Variants in B4GALNT3 observed in about 807,000 individuals in gnomAD.
The protein encoded by B4GALNT3 is beta-1,4-N-acetyl-galactosaminyltransferase 3.
A neutral mutation model predicts 120.2 loss-of-function variants in B4GALNT3; 86 were observed. That is an observed-to-expected ratio of 0.72 (90% confidence interval 0.60 to 0.86). B4GALNT3 has a LOEUF of 0.86. Among genes scored for constraint, B4GALNT3 ranks in the 40% least tolerant of loss-of-function variants. B4GALNT3 has a pLI of 0.00. For synonymous variants in B4GALNT3, 518 were observed against 510.4 expected, an observed-to-expected ratio of 1.01 and a Z score of -0.20; for missense variants, 1,167 against 1,298.9, an observed-to-expected ratio of 0.90 and a Z score of 1.56.
At chr12:557,834 G>A (rs2120744393) in intron 16 of B4GALNT3, 73 bp downstream of exon 16, 1 of 1,533,202 alleles carries the variant, frequency 6.5e-7, no homozygotes, top group African/African-American at 1.4e-5. Context: ...CTGGGTCCAG[G>A]GTAGAGCCAG....
At chr12:470,505 A>G (rs1171753562) in intron 1 of B4GALNT3, among the ~76,000 whole-genome samples, 1 of 152,188 alleles carries the variant, frequency 6.6e-6, no homozygotes, top group Non-Finnish European at 1.5e-5. Flanking sequence ...GGATTCCCTC[A>G]TGGACCAGGC....
chr12:552,037 C>G (rs1399220937), intron 11 of B4GALNT3, 26 bp from the exon 12 acceptor site: 3 of 1,514,058 alleles, frequency 2.0e-6, no homozygotes, highest in Non-Finnish European at 1.8e-6. Context: ...CTCTCTTACT[C>G]CTGCTGCTGA....
intron 1 of B4GALNT3, among the ~76,000 whole-genome samples, chr12:520,204 G>A (rs956288229): frequency 2.4e-4 from 37 of 152,156 alleles, no homozygotes; most frequent in African/African-American, 7.0e-4. Context: ...CTATCCATGC[G>A]TCTTAGCAAC....
intron 18 of B4GALNT3, 63 bp downstream of exon 18, chr12:558,724 A>C: frequency 6.5e-7 from 1 of 1,546,864 alleles, no homozygotes; most frequent in Admixed American, 1.8e-5. Flanking sequence ...TTAACTCCAG[A>C]GCTGGGAACA....
chr12:556,812 T>C lies in B4GALNT3; in HGVS notation c.2326T>C (p.Trp776Arg), dbSNP rs1947161324. Residue 776 changes from tryptophan (W) to arginine (R), a missense_variant, in exon 15 of 20, where the codon TGG becomes CGG. Coordinates refer to ENST00000266383, the MANE Select transcript of B4GALNT3 (RefSeq NM_173593.4). Reference protein sequence around the residue: ...NTRAQEPKLCWPQGFSWSHRA... With the variant: ...NTRAQEPKLCRPQGFSWSHRA... ...CCGGGCCCAAGAGCCCAAGCTGTGCTGGCCTCAGGGTTTCTCCTGGAGTCA... is the reference window on the plus strand; with the variant it reads ...CCGGGCCCAAGAGCCCAAGCTGTGCCGGCCTCAGGGTTTCTCCTGGAGTCA... The C allele has an allele frequency of 5.0e-6, 8 of 1,613,722 alleles. No individual in the cohort carries two copies. Among genetic ancestry groups the C allele is most frequent in the Non-Finnish European group, 5.1e-6 (6 of 1,179,930 alleles).
In B4GALNT3 at chr12:552,046, G is replaced by A. The variant is rs774955907; in HGVS notation, c.1108-17G>A. The A allele has an allele frequency of 5.1e-6, 8 of 1,561,146 alleles. No individual in the cohort carries two copies. The Admixed American group carries it at 1.2e-4, about 23-fold the overall frequency. Reference sequence around the variant, plus strand: ...ATCTCACTCTCTTACTCCTGCTGCTGATTTTTCCACTTCCAGGTTCATCTG... The same window carrying A: ...ATCTCACTCTCTTACTCCTGCTGCTAATTTTTCCACTTCCAGGTTCATCTG... On this transcript the variant is annotated splice_polypyrimidine_tract_variant and intron_variant, in intron 11 of 19. Coordinates refer to ENST00000266383, the MANE Select transcript of B4GALNT3 (RefSeq NM_173593.4).
Position 545,400 on chromosome 12 carries a change from C to T in B4GALNT3, c.570C>T (p.Asp190=). The T allele has an allele frequency of 1.2e-6, 2 of 1,612,082 alleles. No individual in the cohort carries two copies. Among genetic ancestry groups the T allele is most frequent in the Non-Finnish European group, 8.5e-7 (1 of 1,179,566 alleles). ...GKIQFAIAAD[D]NAEFWLSLDD... ...TCCAGTTTGCCATTGCTGCAGATGA[C>T]AACGCGGAGTTCTGGCTGAGCCTCG... The change falls in exon 6 of 20, where the codon GAC becomes GAT. Residue 190 remains aspartate (D), a synonymous_variant. Coordinates refer to ENST00000266383, the MANE Select transcript of B4GALNT3 (RefSeq NM_173593.4).
intron 1 of B4GALNT3, among the ~76,000 whole-genome samples, chr12:493,613 T>A (rs1455006336): frequency 6.6e-6 from 1 of 151,618 alleles, no homozygotes; most frequent in Non-Finnish European, 1.5e-5. Context: ...TTTTTTGGTT[T>A]TTCACGAGAA....
At chr12:485,721 A>G (rs1216886956) in intron 1 of B4GALNT3, among the ~76,000 whole-genome samples, 1 of 152,194 alleles carries the variant, frequency 6.6e-6, no homozygotes, top group Non-Finnish European at 1.5e-5. Context: ...TTTATTATAT[A>G]TAAATTATAC....
At chr12:491,562 C>T (rs1029394799) in intron 1 of B4GALNT3, among the ~76,000 whole-genome samples, 2 of 151,922 alleles carry the variant, frequency 1.3e-5, no homozygotes, top group Non-Finnish European at 2.9e-5. Context: ...CTCCTGAGCT[C>T]AAGCAATCTG....
At chr12:544,304 C>T in intron 3 of B4GALNT3, 35 bp from the exon 4 acceptor site, 1 of 1,602,322 alleles carries the variant, frequency 6.2e-7, no homozygotes, top group South Asian at 1.1e-5. Flanking sequence ...ATGGGGTGCT[C>T]ACGCTCACTC....
intron 1 of B4GALNT3, among the ~76,000 whole-genome samples, chr12:469,288 C>T (rs1167492166): frequency 6.6e-6 from 1 of 152,054 alleles, no homozygotes; most frequent in Non-Finnish European, 1.5e-5. Context: ...TAATGCTGTT[C>T]CCGTAGAACT....
Position 561,728 on chromosome 12 carries a change from G to A in B4GALNT3, c.*277G>A, listed in dbSNP as rs1947234534. ...ACGGGAAGAGCTCCTGAGAAGGACG[G>A]GTCAGGAAGGAGAGATCTGACTGAG... On this transcript the variant is annotated 3_prime_UTR_variant, in exon 20 of 20. Transcript: ENST00000266383. The A allele has an allele frequency of 1.0e-5, 4 of 384,750 alleles. No homozygotes were observed. Among genetic ancestry groups the A allele is most frequent in the South Asian group, 3.7e-5 (1 of 27,110 alleles). 23.8% of individuals were successfully genotyped at this position (384,750 alleles called of 1,614,324 possible).
Position 557,996 on chromosome 12 carries a change from C to A in B4GALNT3, c.2535-20C>A. On this transcript the variant is annotated intron_variant, in intron 16 of 19. Transcript: ENST00000266383. ...CCGCAGCTGAGTCCTGATACGCAGC[C>A]CTCTCTCCCCTTCCTGCAGCTACCA... 1.2e-6 allele frequency: 2 copies of A among 1,613,378 alleles called. No individual in the cohort carries two copies. Among genetic ancestry groups the A allele is most frequent in the Non-Finnish European group, 1.7e-6 (2 of 1,179,506 alleles).
intron 1 of B4GALNT3, among the ~76,000 whole-genome samples, chr12:466,312 C>G (rs1946080398): frequency 6.6e-6 from 1 of 152,168 alleles, no homozygotes; most frequent in African/African-American, 2.4e-5. Flanking sequence ...AGCAGAGCAG[C>G]CGACATAGCA....
chr12:524,478 G>T (rs1162577974), intron 1 of B4GALNT3, among the ~76,000 whole-genome samples: 2 of 152,114 alleles, frequency 1.3e-5, no homozygotes, highest in Admixed American at 1.3e-4. Context: ...AGAGGGCAGG[G>T]TGGCCGTGGC....
chr12:523,761 G>A (rs758663851), intron 1 of B4GALNT3, among the ~76,000 whole-genome samples: 1 of 152,148 alleles, frequency 6.6e-6, no homozygotes, highest in Non-Finnish European at 1.5e-5. Flanking sequence ...AATCAACTCC[G>A]ATAGAAAACA....
chr12:482,722 A>T lies in B4GALNT3; in HGVS notation c.169+22177A>T, dbSNP rs183562326. On this transcript the variant is annotated intron_variant, in intron 1 of 19. Transcript: ENST00000266383. ...GTTTCTTAAGCATATGCAGCCAGGC[A>T]CCGTGGCACACACCTATAGTTCCGG... Among the ~76,000 whole-genome samples the T allele has an allele frequency of 1.8e-3, 277 of 152,228 alleles. 1 individual carries two copies. The highest frequency in any genetic ancestry group is 5.7e-3 in the African/African-American group (236 of 41,536).
intron 1 of B4GALNT3, among the ~76,000 whole-genome samples, chr12:527,662 T>G (rs1156452638): frequency 6.6e-6 from 1 of 152,070 alleles, no homozygotes; most frequent in African/African-American, 2.4e-5. Context: ...CATGCACACC[T>G]GTGCTGGGAG....
Sources: allele counts gnomAD v4.1 joint callset (sites outside exome capture counted in the v4.1 genomes callset), GRCh38; gene constraint gnomAD v4.1.1; transcripts MANE v1.5; gene names NCBI Gene and HGNC (gene_info 2026-07-23, HGNC 2026-07-21).